The following MEF2A variants were observed in gnomAD, a reference collection of about 807,000 sequenced individuals.
The protein encoded by MEF2A is myocyte enhancer factor 2A, also known as myocyte-specific enhancer factor 2A.
In MEF2A, 28 loss-of-function variants were observed where a neutral mutation model predicts 55.8. The observed-to-expected ratio is 0.50, with a 90% CI of 0.37 to 0.69. MEF2A has a LOEUF of 0.69. Among genes scored for constraint, MEF2A ranks in the 30% least tolerant of loss-of-function variants. The pLI, the probability that MEF2A is intolerant of heterozygous loss-of-function variation, is 0.00. For synonymous variants in MEF2A, 239 were observed against 227.1 expected (o/e 1.05, Z -0.47); for missense variants, 528 against 626.2 (o/e 0.84, Z 1.67).
intron 3 of MEF2A, among the ~76,000 whole-genome samples, chr15:99,639,635 A>G (rs998754823): frequency 2.0e-5 from 3 of 152,164 alleles, no homozygotes; most frequent in Non-Finnish European, 4.4e-5. Context: ...CAGCTTTACC[A>G]TGTTTTCAAG....
At chr15:99,666,444 G>T (rs1173577885) in intron 4 of MEF2A, among the ~76,000 whole-genome samples, 1 of 151,798 alleles carries the variant, frequency 6.6e-6, no homozygotes, top group Non-Finnish European at 1.5e-5. Context: ...TCAGGGAGTG[G>T]GGGGCTAGTC....
At chr15:99,686,067 C>A (rs2054160143) in intron 7 of MEF2A, among the ~76,000 whole-genome samples, 1 of 152,036 alleles carries the variant, frequency 6.6e-6, no homozygotes, top group Non-Finnish European at 1.5e-5. Flanking sequence ...GGAATTTATC[C>A]ATCTCCTCTA....
At chr15:99,687,977 T>C (rs949176144) in intron 7 of MEF2A, among the ~76,000 whole-genome samples, 1 of 152,260 alleles carries the variant, frequency 6.6e-6, no homozygotes, top group Non-Finnish European at 1.5e-5. Flanking sequence ...ATGTGAATGC[T>C]GAGTCCTCCC....
intron 3 of MEF2A, among the ~76,000 whole-genome samples, chr15:99,644,391 A>G (rs2045586037): frequency 6.6e-6 from 1 of 152,218 alleles, no homozygotes; most frequent in Non-Finnish European, 1.5e-5. Flanking sequence ...TACATGTGAA[A>G]TGAATTTTGT....
chr15:99,675,479 C>T (rs1447794947), intron 7 of MEF2A, 21 bp downstream of exon 7: 2 of 1,605,958 alleles, frequency 1.2e-6, no homozygotes, highest in Non-Finnish European at 1.7e-6. Flanking sequence ...TCCTACTCTT[C>T]TGTTTTGTAG....
Position 99,620,882 on chromosome 15 carries a change from A to AC in MEF2A, c.-142-12090dup, listed in dbSNP as rs574462269. 12 of 135,926 alleles carry AC rather than the reference A, an allele frequency of 8.8e-5. No individual in the cohort carries two copies. In the East Asian group the frequency reaches 2.1e-3, roughly 24 times the overall value. The allele number at this position is 135,926 out of a possible 1,614,324, so 8.4% of individuals were successfully genotyped here. Reference sequence around the variant, plus strand: ...TTTTTGGGACATTGAGTCTCACTCTACCCCCCAGGCTGAAGTGCAGTGGTG... The same window carrying AC: ...TTTTTGGGACATTGAGTCTCACTCTACCCCCCCAGGCTGAAGTGCAGTGGTG... On this transcript the variant is annotated intron_variant, in intron 2 of 11. Coordinates refer to ENST00000557942, the MANE Select transcript of MEF2A (RefSeq NM_001319206.4).
intron 3 of MEF2A, among the ~76,000 whole-genome samples, chr15:99,633,497 G>C (rs115747795): frequency 6.6e-6 from 1 of 151,902 alleles, no homozygotes; most frequent in African/African-American, 2.4e-5. Context: ...TTGACTGTTA[G>C]TCTTTTTTAT....
chr15:99,590,960 T>C (rs113300952), intron 1 of MEF2A, among the ~76,000 whole-genome samples: 1,763 of 152,318 alleles, frequency 0.012, 17 homozygotes, highest in Non-Finnish European at 0.019. Context: ...AAAAATTTCA[T>C]AGACTATATC....
chr15:99,580,271 A>G (rs1024926035), intron 1 of MEF2A, among the ~76,000 whole-genome samples: 1 of 152,078 alleles, frequency 6.6e-6, no homozygotes, highest in South Asian at 2.1e-4. Flanking sequence ...TTGCATTGTC[A>G]ACATTCTTTG....
intron 1 of MEF2A, among the ~76,000 whole-genome samples, chr15:99,572,013 G>GTTTTTTTTTTTTTTTTTTTT (rs36027608): frequency 7.8e-6 from 1 of 128,374 alleles, no homozygotes; most frequent in Non-Finnish European, 1.7e-5. Flanking sequence ...CTCCATAGAA[G>GTTTTTTTTTTTTTTTTTTTT]TTTTTTTTTT....
At chr15:99,700,072 C>T (rs2057168810) in intron 8 of MEF2A, among the ~76,000 whole-genome samples, 1 of 141,414 alleles carries the variant, frequency 7.1e-6, no homozygotes, top group Admixed American at 7.3e-5. Context: ...GTTGGCCAGG[C>T]TGGTCTCAAA....
chr15:99,689,631 C>T (rs573436235), intron 7 of MEF2A, among the ~76,000 whole-genome samples: 7 of 152,262 alleles, frequency 4.6e-5, no homozygotes, highest in African/African-American at 1.4e-4. Context: ...CAGGCGGGCG[C>T]CACCACATCC....
intron 2 of MEF2A, among the ~76,000 whole-genome samples, chr15:99,614,401 AT>A (rs1295640836): frequency 1.3e-5 from 2 of 152,220 alleles, no homozygotes; most frequent in African/African-American, 4.8e-5. Flanking sequence ...ACAATAACTT[AT>A]AACTCCAAAA....
intron 7 of MEF2A, among the ~76,000 whole-genome samples, chr15:99,677,415 C>CA (rs1402279846): frequency 4.0e-5 from 6 of 151,506 alleles, no homozygotes; most frequent in Non-Finnish European, 7.4e-5. Flanking sequence ...AATTTTAGAA[C>CA]AAAAAAACCC....
intron 1 of MEF2A, among the ~76,000 whole-genome samples, chr15:99,589,805 C>T (rs532913386): frequency 1.7e-4 from 26 of 152,128 alleles, no homozygotes; most frequent in African/African-American, 4.1e-4. Flanking sequence ...AATGTCCCCC[C>T]CCAAAAAAGT....
intron 2 of MEF2A, among the ~76,000 whole-genome samples, chr15:99,599,803 G>A (rs1370013789): frequency 6.6e-6 from 1 of 151,850 alleles, no homozygotes; most frequent in Non-Finnish European, 1.5e-5. Context: ...CTACCCATAG[G>A]TTCCTCATCT....
chr15:99,588,290 T>G (rs947915605), intron 1 of MEF2A, among the ~76,000 whole-genome samples: 12 of 152,118 alleles, frequency 7.9e-5, no homozygotes, highest in South Asian at 4.2e-4. Flanking sequence ...CTAATTTTTT[T>G]TTGTTGTTTT....
chr15:99,611,477 C>G (rs1977271804), intron 2 of MEF2A, among the ~76,000 whole-genome samples: 1 of 152,120 alleles, frequency 6.6e-6, no homozygotes, highest in Non-Finnish European at 1.5e-5. Context: ...CAGCAAGATA[C>G]CACTTCACAC....
intron 1 of MEF2A, among the ~76,000 whole-genome samples, chr15:99,579,337 A>C (rs1055946542): frequency 6.6e-6 from 1 of 150,480 alleles, no homozygotes; most frequent in Non-Finnish European, 1.5e-5. Flanking sequence ...AGGGTGGGGC[A>C]GGGTTCCTTG....
Sources: allele counts gnomAD v4.1 joint callset (sites outside exome capture counted in the v4.1 genomes callset), GRCh38; gene constraint gnomAD v4.1.1; transcripts MANE v1.5; gene names NCBI Gene and HGNC (gene_info 2026-07-23, HGNC 2026-07-21).